Variants in SLIT2 observed in about 807,000 individuals in gnomAD.
SLIT2 encodes the protein slit guidance ligand 2, also known as slit homolog 2 protein.
SLIT2 carries 41 observed loss-of-function variants against 185.7 expected under a neutral mutation model. The observed-to-expected ratio is 0.22, with a 90% CI of 0.17 to 0.29. SLIT2 has a LOEUF of 0.29. Ranked by LOEUF, SLIT2 falls within the 10% of genes least tolerant of loss-of-function variation. The pLI, the probability that SLIT2 is intolerant of heterozygous loss-of-function variation, is 1.00. For missense variants in SLIT2, 1,571 were observed against 1,909.0 expected (o/e 0.82, Z 3.30); for synonymous variants, 693 against 680.2 (o/e 1.02, Z -0.29).
chr4:20,559,258 A>G (rs1724502978), intron 26 of SLIT2, among the ~76,000 whole-genome samples: 1 of 152,058 alleles, frequency 6.6e-6, no homozygotes, highest in Admixed American at 6.6e-5. Context: ...AATAGATTGC[A>G]CGTATTTCAA....
At position 20,386,770 on chromosome 4, in the gene SLIT2, A is replaced by C. The variant is rs138179942; in HGVS notation, c.396-80982A>C. On this transcript the variant is annotated intron_variant, in intron 4 of 36. Transcript: ENST00000504154. The stretch of plus-strand genomic sequence containing the variant: ...AATAATCTGTAATTTATAACCTACA[A>C]GGAACAAATAGCTATGTGATGCATG... 9.3e-4 allele frequency among the ~76,000 whole-genome samples: 141 copies of C among 152,358 alleles called. 1 individual carries two copies. Among genetic ancestry groups the C allele is most frequent in the African/African-American group, 3.2e-3 (131 of 41,584 alleles).
At chr4:20,275,424 T>A (rs1284293117) in intron 4 of SLIT2, among the ~76,000 whole-genome samples, 1 of 152,152 alleles carries the variant, frequency 6.6e-6, no homozygotes, top group African/African-American at 2.4e-5. Context: ...AAAGGAACAT[T>A]GTAAATTTTC....
intron 4 of SLIT2, among the ~76,000 whole-genome samples, chr4:20,288,110 A>T: frequency 6.6e-6 from 1 of 152,216 alleles, no homozygotes. Context: ...GTAAACAATC[A>T]TGGCTGTTAT....
intron 4 of SLIT2, among the ~76,000 whole-genome samples, chr4:20,448,531 G>T (rs940350040): frequency 3.3e-5 from 5 of 152,112 alleles, no homozygotes; most frequent in East Asian, 1.9e-4. Context: ...ATGTTGGAGA[G>T]GTTGGTCTTG....
intron 4 of SLIT2, among the ~76,000 whole-genome samples, chr4:20,323,487 T>C (rs1031442071): frequency 2.6e-5 from 4 of 152,172 alleles, no homozygotes. Context: ...TATAAGAAAT[T>C]TTATCATTAA....
chr4:20,594,199 G>T lies in SLIT2; in HGVS notation c.3183-1498G>T, dbSNP rs575296846. ...TATGTACATGTGTGTATATACATATGTATGTATGTGTGTATATATGTATAT... is the reference window on the plus strand; with the variant it reads ...TATGTACATGTGTGTATATACATATTTATGTATGTGTGTATATATGTATAT... On this transcript the variant is annotated intron_variant, in intron 30 of 36. Coordinates refer to ENST00000504154, the MANE Select transcript of SLIT2 (RefSeq NM_004787.4). 6.1e-5 allele frequency among the ~76,000 whole-genome samples: 9 copies of T among 148,468 alleles called. No individual in the cohort carries two copies. In the East Asian group the frequency reaches 1.8e-3, roughly 30 times the overall value.
chr4:20,586,389 G>A (rs137996150), intron 29 of SLIT2, among the ~76,000 whole-genome samples: 2 of 152,212 alleles, frequency 1.3e-5, no homozygotes, highest in African/African-American at 4.8e-5. Context: ...GCCTTAAAAA[G>A]CATGATTCCT....
chr4:20,472,561 T>TCG (rs1715566323), intron 5 of SLIT2, among the ~76,000 whole-genome samples: 3 of 26,732 alleles, frequency 1.1e-4, no homozygotes, highest in Non-Finnish European at 1.1e-4. Context: ...TATAGATATA[T>TCG]ATCTATATAT....
At chr4:20,346,117 C>G (rs1293302784) in intron 4 of SLIT2, among the ~76,000 whole-genome samples, 1 of 152,112 alleles carries the variant, frequency 6.6e-6, no homozygotes, top group Non-Finnish European at 1.5e-5. Context: ...CTCGGCCTCC[C>G]AAGTAGCTGG....
At position 20,251,933 on chromosome 4, in the gene SLIT2, C is replaced by G. The variant is rs557007048; in HGVS notation, c.-1883C>G. 6.6e-6 allele frequency among the ~76,000 whole-genome samples: 1 copy of G among 152,180 alleles called. No individual in the cohort carries two copies. The highest frequency in any genetic ancestry group is 2.1e-4 in the South Asian group (1 of 4,822). ...TGGTGTTATTTATTTGGGAAGCGCC[C>G]GGACGGCGGAGCTTGGCGGCGGCGG... On this transcript the variant is annotated 5_prime_UTR_variant, in exon 1 of 37. Coordinates refer to ENST00000504154, the MANE Select transcript of SLIT2 (RefSeq NM_004787.4).
rs1026578673 is a variant in SLIT2, at chr4:20,254,607, C to T, written c.179+613C>T. 6.6e-6 allele frequency among the ~76,000 whole-genome samples: 1 copy of T among 151,866 alleles called. No homozygotes were observed. The highest frequency in any genetic ancestry group is 1.5e-5 in the Non-Finnish European group (1 of 67,850). On this transcript the variant is annotated intron_variant, in intron 1 of 36. Transcript: ENST00000504154. This position sits in a 1 kb window ranked among gnomAD's most constrained non-coding sequence, Gnocchi z 5.1. ...CATAGTAGCCTCGCGCAGCCCCCCG[C>T]CCCCCACTTCTCCGGGGAGGGGAAG...
intron 29 of SLIT2, among the ~76,000 whole-genome samples, chr4:20,583,684 C>G (rs1000659289): frequency 2.6e-5 from 4 of 151,982 alleles, no homozygotes; most frequent in African/African-American, 4.8e-5. Flanking sequence ...TGGTGCGCAC[C>G]TGTAGTCCCA....
chr4:20,262,302 T>C (rs1301675582), intron 3 of SLIT2, among the ~76,000 whole-genome samples: 1 of 151,760 alleles, frequency 6.6e-6, no homozygotes, highest in Non-Finnish European at 1.5e-5. Flanking sequence ...TGAGTGAGGC[T>C]GAGGAAGTAT....
chr4:20,382,712 T>C (rs1724624672), intron 4 of SLIT2, among the ~76,000 whole-genome samples: 1 of 152,116 alleles, frequency 6.6e-6, no homozygotes, highest in Non-Finnish European at 1.5e-5. Context: ...CAATACTGTA[T>C]CAGTTCTGTA....
chr4:20,290,583 T>A (rs1379712663), intron 4 of SLIT2, among the ~76,000 whole-genome samples: 1 of 152,174 alleles, frequency 6.6e-6, no homozygotes, highest in Non-Finnish European at 1.5e-5. Context: ...GGGACGACTA[T>A]ATGTGTGTAT....
chr4:20,472,453 G>T (rs372884052), intron 5 of SLIT2, among the ~76,000 whole-genome samples: 15 of 23,444 alleles, frequency 6.4e-4, no homozygotes, highest in Admixed American at 1.5e-3. Flanking sequence ...TATCTATATA[G>T]ATATATCTAT....
intron 5 of SLIT2, among the ~76,000 whole-genome samples, chr4:20,468,730 G>C (rs1714638031): frequency 6.6e-6 from 1 of 152,060 alleles, no homozygotes; most frequent in African/African-American, 2.4e-5. Flanking sequence ...GGGGAGAAAA[G>C]CCCCTGTATG....
At chr4:20,301,819 T>G in intron 4 of SLIT2, among the ~76,000 whole-genome samples, 1 of 152,200 alleles carries the variant, frequency 6.6e-6, no homozygotes, top group East Asian at 1.9e-4. Flanking sequence ...TTAGAAATGA[T>G]GAATATTTTA....
rs1366969264 is a variant in SLIT2, at chr4:20,484,581, T to A, written c.540-1619T>A. ...GACATGCCCTGTTTTACTGAAAAGT[T>A]TTTGTCAATCTCTTGACCTCTGAAC... On this transcript the variant is annotated intron_variant, in intron 6 of 36. Transcript: ENST00000504154. The surrounding 1 kb of genome is among the most constrained non-coding windows in gnomAD (Gnocchi z 4.3). 6.6e-6 allele frequency among the ~76,000 whole-genome samples: 1 copy of A among 152,106 alleles called. No individual in the cohort carries two copies. Among genetic ancestry groups the A allele is most frequent in the South Asian group, 2.1e-4 (1 of 4,828 alleles).
Sources: gnomAD v4.1 joint callset for allele counts (sites outside exome capture counted in the v4.1 genomes callset) on GRCh38, gnomAD v4.1.1 for gene constraint, Gnocchi (gnomAD v3.1) non-coding constraint, MANE v1.5 for transcripts, NCBI Gene and HGNC (gene_info 2026-07-23, HGNC 2026-07-21) for gene names.